EML6: variants seen among roughly 807,000 people sequenced by gnomAD.
EML6 encodes the protein EMAP like 6.
In EML6, 154 loss-of-function variants were observed where a neutral mutation model predicts 240.1. The observed-to-expected ratio is 0.64, with a 90% CI of 0.56 to 0.73. The LOEUF (loss-of-function observed/expected upper bound fraction) is 0.73, where lower values mean the gene tolerates loss of function less well. EML6 is among the 30% of genes least tolerant of loss of function. The pLI is 0.00. For missense variants in EML6, 2,964 were observed against 2,474.6 expected (o/e 1.20, Z -4.20); for synonymous variants, 1,148 against 899.0 (o/e 1.28, Z -4.95).
chr2:54,968,421 C>T (rs906810334), intron 40 of EML6, 140 bp downstream of exon 40: 4 of 879,402 alleles, frequency 4.5e-6, no homozygotes, highest in East Asian at 2.7e-5. Flanking sequence ...ATGAGTTTTT[C>T]ACCTCCTGGA....
chr2:54,802,561 G>C (rs964833923), intron 2 of EML6, among the ~76,000 whole-genome samples: 1 of 151,752 alleles, frequency 6.6e-6, no homozygotes, highest in Non-Finnish European at 1.5e-5. Context: ...TGGGAAGGTC[G>C]AGGCTGTCAT....
intron 11 of EML6, among the ~76,000 whole-genome samples, chr2:54,854,251 A>C (rs1670251227): frequency 6.6e-6 from 1 of 152,216 alleles, no homozygotes; most frequent in Non-Finnish European, 1.5e-5. Flanking sequence ...TTTCAGACAT[A>C]ATTAAAATCT....
intron 2 of EML6, among the ~76,000 whole-genome samples, chr2:54,791,933 A>G (rs1669477994): frequency 6.6e-6 from 1 of 152,184 alleles, no homozygotes; most frequent in Non-Finnish European, 1.5e-5. Context: ...AAGGAGTAAC[A>G]TGTCTTGTTT....
At chr2:54,944,700 G>C (rs761270103) in intron 28 of EML6, among the ~76,000 whole-genome samples, 3 of 152,042 alleles carry the variant, frequency 2.0e-5, no homozygotes, top group Non-Finnish European at 4.4e-5. Flanking sequence ...TTTTCAAGAG[G>C]GTAGGCTTCT....
At chr2:54,788,095 G>T (rs1347540646) in intron 2 of EML6, among the ~76,000 whole-genome samples, 1 of 152,152 alleles carries the variant, frequency 6.6e-6, no homozygotes, top group Non-Finnish European at 1.5e-5. Context: ...CTTTAAACTA[G>T]CCAACCACTG....
rs570402972 is a variant in EML6 at position 54,894,352 on chromosome 2, C to T, written c.2743-563C>T. On this transcript the variant is annotated intron_variant, in intron 19 of 41. Transcript: ENST00000356458. ...CCAATATGTTAAGCTTTTTACTTTC[C>T]AGGTTTTTGTAAAAATTAATCTGGA... 6.6e-5 allele frequency among the ~76,000 whole-genome samples: 10 copies of T among 152,028 alleles called. 1 individual carries two copies. The South Asian group carries it at 2.1e-3, about 32-fold the overall frequency.
intron 28 of EML6, among the ~76,000 whole-genome samples, chr2:54,936,689 C>T (rs1675149877): frequency 6.6e-6 from 1 of 152,136 alleles, no homozygotes; most frequent in Non-Finnish European, 1.5e-5. Flanking sequence ...AGGCATACAG[C>T]TTTTGACTGT....
intron 2 of EML6, among the ~76,000 whole-genome samples, chr2:54,741,960 C>G (rs560173749): frequency 8.6e-4 from 131 of 152,258 alleles, no homozygotes; most frequent in Non-Finnish European, 1.5e-3. Context: ...TTGTCCTCCA[C>G]CACCAGATAG....
chr2:54,759,149 A>G (rs1667868365), intron 2 of EML6, among the ~76,000 whole-genome samples: 1 of 151,004 alleles, frequency 6.6e-6, no homozygotes, highest in South Asian at 2.1e-4. Context: ...ATTATGAAAC[A>G]GCTGTGTAAC....
chr2:54,913,728 T>A (rs1025957008), intron 25 of EML6, among the ~76,000 whole-genome samples: 4 of 152,202 alleles, frequency 2.6e-5, no homozygotes, highest in African/African-American at 9.7e-5. Context: ...ATAAATTCTT[T>A]CCCAAGGCCA....
intron 28 of EML6, among the ~76,000 whole-genome samples, chr2:54,934,601 G>A (rs1343454649): frequency 6.6e-6 from 1 of 152,036 alleles, no homozygotes; most frequent in Non-Finnish European, 1.5e-5. Context: ...CCAGAGTGTA[G>A]TATGGTGGCA....
At chr2:54,953,290 A>G (rs557106823) in intron 31 of EML6, among the ~76,000 whole-genome samples, 1 of 152,252 alleles carries the variant, frequency 6.6e-6, no homozygotes, top group Non-Finnish European at 1.5e-5. Flanking sequence ...TGCTCACCCA[A>G]TGCAGGTGAT....
chr2:54,857,105 G>GA (rs1670424509), intron 11 of EML6, among the ~76,000 whole-genome samples: 1 of 152,140 alleles, frequency 6.6e-6, no homozygotes, highest in Non-Finnish European at 1.5e-5. Flanking sequence ...GGGAAAATGA[G>GA]AAAAAAGATA....
intron 28 of EML6, among the ~76,000 whole-genome samples, chr2:54,930,018 G>A (rs1674769751): frequency 6.6e-6 from 1 of 152,034 alleles, no homozygotes; most frequent in African/African-American, 2.4e-5. Context: ...GCACAGAAGT[G>A]CATGAATAGG....
At chr2:54,744,446 T>G (rs559739919) in intron 2 of EML6, among the ~76,000 whole-genome samples, 1 of 152,180 alleles carries the variant, frequency 6.6e-6, no homozygotes, top group South Asian at 2.1e-4. Flanking sequence ...CCATGGAAGC[T>G]TTGAAAGATG....
chr2:54,809,674 G>A lies in EML6; in HGVS notation c.198-3558G>A, dbSNP rs139721767. 1.6e-3 allele frequency among the ~76,000 whole-genome samples: 251 copies of A among 152,236 alleles called. 1 individual carries two copies. Among genetic ancestry groups the A allele is most frequent in the African/African-American group, 5.7e-3 (237 of 41,508 alleles). ...AATGCTTCTGAACTAAAATTCCAAA[G>A]ATGTGTGGAATTTTATTTATTAAAT... On this transcript the variant is annotated intron_variant, in intron 2 of 41. Transcript: ENST00000356458.
chr2:54,727,087 C>G (rs1216216789), intron 2 of EML6, among the ~76,000 whole-genome samples: 2 of 152,124 alleles, frequency 1.3e-5, no homozygotes, highest in African/African-American at 4.8e-5. Context: ...GTGATGAAAT[C>G]TAGCTTGGGT....
At position 54,863,822 on chromosome 2, in the gene EML6, A is replaced by T; in HGVS notation, c.1865A>T (p.Asp622Val). 6.5e-7 allele frequency: 1 copy of T among 1,549,650 alleles called. No individual in the cohort carries two copies. Among genetic ancestry groups the T allele is most frequent in the South Asian group, 1.2e-5 (1 of 83,414 alleles). The change falls in exon 13 of 42, where the codon GAT becomes GTT. Residue 622 changes from aspartate (D) to valine (V), a missense_variant. Asp to Val is a radical substitution (Grantham distance 152, BLOSUM62 -3). Coordinates refer to ENST00000356458, the MANE Select transcript of EML6 (RefSeq NM_001039753.4). ...ADSYSEESDS[D>V]LSDVPELDSD... is the part of the protein sequence containing the mutation. ...TCCTACAGTGAAGAATCTGATTCAG[A>T]TTTATCTGATGTGCCCGAACTGGAC...
Position 54,813,396 on chromosome 2 carries a change from GTA to G in EML6, c.357+7_357+8del. The G allele has an allele frequency of 6.5e-7, 1 of 1,548,914 alleles. No individual in the cohort carries two copies. The highest frequency in any genetic ancestry group is 8.7e-7 in the Non-Finnish European group (1 of 1,145,106). ...GCTTTTGACTCAGATGGACAGGTGT[GTA>G]TCTTTTTTTAGTTGTTTTATTTAAT... On this transcript the variant is annotated splice_donor_region_variant and intron_variant, in intron 3 of 41. Transcript: ENST00000356458.
Sources: allele counts gnomAD v4.1 joint callset (sites outside exome capture counted in the v4.1 genomes callset), GRCh38; gene constraint gnomAD v4.1.1; transcripts MANE v1.5; gene names NCBI Gene and HGNC (gene_info 2026-07-23, HGNC 2026-07-21).